Variants in CEP41 observed in about 807,000 individuals in gnomAD.
The protein encoded by CEP41 is centrosomal protein 41, also known as centrosomal protein of 41 kDa.
CEP41 carries 32 observed loss-of-function variants against 44.3 expected under a neutral mutation model. The ratio of observed to expected loss-of-function variants is 0.72; its 90% CI spans 0.54 to 0.97. CEP41 has a LOEUF of 0.97. CEP41 is among the 50% of genes least tolerant of loss of function. The pLI, the probability that CEP41 is intolerant of heterozygous loss-of-function variation, is 0.00. For missense variants in CEP41, 432 were observed against 455.2 expected (o/e 0.95, Z 0.46); for synonymous variants, 151 against 168.5 (o/e 0.90, Z 0.80).
intron 1 of CEP41, among the ~76,000 whole-genome samples, chr7:130,433,877 T>A (rs1434856849): frequency 2.0e-5 from 3 of 152,156 alleles, no homozygotes; most frequent in African/African-American, 7.2e-5. Flanking sequence ...ACCTGCCAAA[T>A]GAAGACCTGA....
chr7:130,400,158 T>C lies in CEP41; in HGVS notation c.854A>G (p.Lys285Arg). Residue 285 changes from lysine to arginine, a missense_variant, in exon 10 of 11, where the codon AAA becomes AGA. Coordinates refer to ENST00000223208, the MANE Select transcript of CEP41 (RefSeq NM_018718.3). Reference sequence around the variant, plus strand: ...GGGTGGCCCTTTGGGGCTGGATCGTTTCCGGGCAGACCCAGGAGGAAGGGC... The same window carrying C: ...GGGTGGCCCTTTGGGGCTGGATCGTCTCCGGGCAGACCCAGGAGGAAGGGC... ...QQALPPGSAR[K>R]RSSPKGPPLP... 1 of 1,613,930 alleles carries C rather than the reference T, an allele frequency of 6.2e-7. No individual in the cohort carries two copies. The highest frequency in any genetic ancestry group is 2.2e-5 in the East Asian group (1 of 44,884).
intron 1 of CEP41, among the ~76,000 whole-genome samples, chr7:130,429,983 C>T (rs78337484): frequency 7.0e-4 from 106 of 152,248 alleles, no homozygotes; most frequent in African/African-American, 2.5e-3. Context: ...AAGAGAACAT[C>T]GGACTTATAA....
At chr7:130,412,036 C>A in intron 4 of CEP41, 143 bp downstream of exon 4, 1 of 728,338 alleles carries the variant, frequency 1.4e-6, no homozygotes, top group South Asian at 1.5e-5. Context: ...CACCACATAC[C>A]AATTAATCTT....
chr7:130,412,237 T>C lies in CEP41; in HGVS notation c.149A>G (p.Tyr50Cys), dbSNP rs782788278. ...GAAAAGCTCATCTTTTTTGTATCTA[T>C]AATCTGAAAAATATGGTAAGACAAG... ...TEKLEEIKKN[Y>C]RYKKDELFKR... Residue 50 changes from tyrosine to cysteine, a missense_variant, in exon 4 of 11, where the codon TAT (tyrosine) becomes TGT (cysteine). Tyr to Cys is a radical substitution (Grantham distance 194). Transcript: ENST00000223208. The C allele has an allele frequency of 1.4e-6, 2 of 1,471,926 alleles. No homozygotes were observed. Among genetic ancestry groups the C allele is most frequent in the East Asian group, 2.3e-5 (1 of 44,098 alleles). 91.2% of individuals were successfully genotyped at this position (1,471,926 alleles called of 1,614,324 possible).
At chr7:130,437,129 G>C (rs139020962) in intron 1 of CEP41, among the ~76,000 whole-genome samples, 59 of 152,138 alleles carry the variant, frequency 3.9e-4, no homozygotes, top group African/African-American at 1.4e-3. Flanking sequence ...TCTCCCAAAG[G>C]GAGCAGAAAG....
At chr7:130,429,559 C>T (rs1417816534) in intron 1 of CEP41, among the ~76,000 whole-genome samples, 1 of 152,222 alleles carries the variant, frequency 6.6e-6, no homozygotes, top group Non-Finnish European at 1.5e-5. Flanking sequence ...GAAATTACTG[C>T]AATGTCTTCC....
chr7:130,440,725 G>A, intron 1 of CEP41: 2 of 627,168 alleles, frequency 3.2e-6, no homozygotes, highest in South Asian at 1.9e-5. Context: ...GCGTACGCGG[G>A]GAGAGATCGC....
rs367692258 is a variant in CEP41 at position 130,399,047 on chromosome 7, G to A, written c.974-8C>T. On this transcript the variant is annotated splice_region_variant and splice_polypyrimidine_tract_variant and intron_variant, in intron 10 of 10. Coordinates refer to ENST00000223208, the MANE Select transcript of CEP41 (RefSeq NM_018718.3). ...TAGCTTGGTTCAGTCGGCCTGAAGG[G>A]AGCAAGAAAGAAGGAACAGAGCTGC... 6.3e-5 allele frequency: 102 copies of A among 1,613,672 alleles called. 1 individual carries two copies. The highest frequency in any genetic ancestry group is 3.3e-4 in the Middle Eastern group (2 of 6,056).
At position 130,401,325 on chromosome 7, in the gene CEP41, G is replaced by A. The variant is rs73484538; in HGVS notation, c.643-504C>T. The A allele has an allele frequency of 1.9e-3, 325 of 169,294 alleles. 2 individuals are homozygous for A. The East Asian group carries it at 0.021, about 11-fold the overall frequency. The allele number at this position is 169,294 out of a possible 1,614,324, so 10.5% of individuals were successfully genotyped here. ...GCATCAGCATGGGGAAATACATCGG[G>A]ATATGAACTGAAAAAAAGCAGGATA... On this transcript the variant is annotated intron_variant, in intron 8 of 10. Coordinates refer to ENST00000223208, the MANE Select transcript of CEP41 (RefSeq NM_018718.3).
At chr7:130,440,911 T>A in intron 1 of CEP41, 23 bp downstream of exon 1, 1 of 1,610,330 alleles carries the variant, frequency 6.2e-7, no homozygotes, top group Non-Finnish European at 8.5e-7. Context: ...CCTCCGGCTC[T>A]CCGGCCGAGA....
At position 130,396,483 on chromosome 7, in the gene CEP41, A is replaced by C. The variant is rs1331699579; in HGVS notation, c.*2408T>G. The C allele has an allele frequency of 2.2e-6, 1 of 454,426 alleles. No homozygotes were observed. Among genetic ancestry groups the C allele is most frequent in the Admixed American group, 2.3e-5 (1 of 42,562 alleles). The allele number at this position is 454,426 out of a possible 1,614,324, so 28.1% of individuals were successfully genotyped here. On this transcript the variant is annotated 3_prime_UTR_variant, in exon 11 of 11. Transcript: ENST00000223208. ...TGGCTCCCCCAAATCATCTCGACAGAAAAGAAGAGAGAAGTTGGCAGTTTT... is the reference window on the plus strand; with the variant it reads ...TGGCTCCCCCAAATCATCTCGACAGCAAAGAAGAGAGAAGTTGGCAGTTTT...
intron 1 of CEP41, among the ~76,000 whole-genome samples, chr7:130,437,549 T>C (rs913181549): frequency 5.9e-5 from 9 of 151,280 alleles, no homozygotes; most frequent in African/African-American, 9.7e-5. Flanking sequence ...CAAGGCAGGA[T>C]TGCTTGAGCC....
chr7:130,419,112 G>GTA (rs1797422647), intron 2 of CEP41: 1 of 985,280 alleles, frequency 1.0e-6, no homozygotes, highest in Non-Finnish European at 1.2e-6. Context: ...ATGCAGGGAG[G>GTA]TAGGCCATCA....
At chr7:130,418,730 T>A (rs1265320253) in intron 2 of CEP41, among the ~76,000 whole-genome samples, 1 of 152,150 alleles carries the variant, frequency 6.6e-6, no homozygotes, top group Non-Finnish European at 1.5e-5. Context: ...TGTGTTGTTG[T>A]AAAAAAACAC....
Position 130,394,138 on chromosome 7 carries a change from C to T in CEP41, c.*4753G>A, listed in dbSNP as rs1394070077. 1 of 453,968 alleles carries T rather than the reference C, an allele frequency of 2.2e-6. No homozygotes were observed. Among genetic ancestry groups the T allele is most frequent in the Non-Finnish European group, 4.4e-6 (1 of 226,784 alleles). The allele number at this position is 453,968 out of a possible 1,614,324, so 28.1% of individuals were successfully genotyped here. A position where few individuals can be genotyped will look rare whatever the true frequency, so the allele number is the denominator to read the frequency against. Reference sequence around the variant, plus strand: ...CATTTTCACGGTAAGTTAGAGGCATCACCAAAGGAGAACATGGTTGTGCCC... The same window carrying T: ...CATTTTCACGGTAAGTTAGAGGCATTACCAAAGGAGAACATGGTTGTGCCC... On this transcript the variant is annotated 3_prime_UTR_variant, in exon 11 of 11. Transcript: ENST00000223208.
At chr7:130,423,546 G>A (rs1400368286) in intron 2 of CEP41, among the ~76,000 whole-genome samples, 1 of 152,178 alleles carries the variant, frequency 6.6e-6, no homozygotes, top group Non-Finnish European at 1.5e-5. Context: ...GGCTGCTGTG[G>A]AAAACAGTTT....
intron 5 of CEP41, among the ~76,000 whole-genome samples, chr7:130,409,406 G>C (rs147676617): frequency 6.6e-6 from 1 of 152,334 alleles, no homozygotes; most frequent in Non-Finnish European, 1.5e-5. Flanking sequence ...ATATAACCCA[G>C]TTAAAATTGG....
chr7:130,432,777 C>T lies in CEP41; in HGVS notation c.34-4759G>A, dbSNP rs77283473. 4.7e-3 allele frequency among the ~76,000 whole-genome samples: 706 copies of T among 151,694 alleles called. 2 individuals are homozygous for T. Among genetic ancestry groups the T allele is most frequent in the Non-Finnish European group, 7.5e-3 (506 of 67,906 alleles). On this transcript the variant is annotated intron_variant, in intron 1 of 10. Coordinates refer to ENST00000223208, the MANE Select transcript of CEP41 (RefSeq NM_018718.3). ...TCTCACTAAAAAAAAACCCAAAAAA[C>T]GAAATGGAAGTACCTAGTTGGCTAC...
At chr7:130,432,926 G>A (rs1276368005) in intron 1 of CEP41, among the ~76,000 whole-genome samples, 2 of 152,142 alleles carry the variant, frequency 1.3e-5, no homozygotes, top group African/African-American at 2.4e-5. Flanking sequence ...AGTGCAGACT[G>A]AAAAACCCCA....
Sources: gnomAD v4.1 joint callset for allele counts (sites outside exome capture counted in the v4.1 genomes callset) on GRCh38, gnomAD v4.1.1 for gene constraint, MANE v1.5 for transcripts, NCBI Gene and HGNC (gene_info 2026-07-23, HGNC 2026-07-21) for gene names.